USH2A: variants seen among roughly 807,000 people sequenced by gnomAD.
The protein encoded by USH2A is Usher syndrome 2A (autosomal recessive, mild).
USH2A carries 443 observed loss-of-function variants against 538.9 expected under a neutral mutation model. The ratio of observed to expected loss-of-function variants is 0.82; its 90% CI spans 0.76 to 0.89. USH2A has a LOEUF of 0.89. USH2A is among the 40% of genes least tolerant of loss of function. The pLI, the probability that USH2A is intolerant of heterozygous loss-of-function variation, is 0.00. For missense variants in USH2A, 6,633 were observed against 6,324.8 expected (o/e 1.05, Z -1.65); for synonymous variants, 2,413 against 2,273.5 (o/e 1.06, Z -1.75).
At chr1:215,626,917 G>A (rs1043867074) in intron 71 of USH2A, among the ~76,000 whole-genome samples, 1 of 152,122 alleles carries the variant, frequency 6.6e-6, no homozygotes, top group African/African-American at 2.4e-5. Flanking sequence ...TGTTTTGCAT[G>A]TCAAAAATGA....
In USH2A at chr1:216,050,613, T is replaced by TC. The variant is rs1258177481; in HGVS notation, c.6050-1967_6050-1966insG. On this transcript the variant is annotated intron_variant, in intron 30 of 71. Transcript: ENST00000307340. ...CTTTCTTTCTTTCTTTCTTTTTTTT[T>TC]TTTTTTTTTGAGACAGAGTCTCGCT... Among the ~76,000 whole-genome samples, 383 of 85,144 alleles carry TC rather than the reference T, an allele frequency of 4.5e-3. 10 individuals are homozygous for TC. The highest frequency in any genetic ancestry group is 6.8e-3 in the Middle Eastern group (1 of 146). The allele number at this position is 85,144 out of a possible 152,430, so 55.9% of individuals were successfully genotyped here.
chr1:215,758,187 G>A (rs183362240), intron 58 of USH2A, among the ~76,000 whole-genome samples: 178 of 151,988 alleles, frequency 1.2e-3, no homozygotes, highest in African/African-American at 3.5e-3. Context: ...TCAGGAGCCT[G>A]AGGCAGGAGA....
intron 21 of USH2A, among the ~76,000 whole-genome samples, chr1:216,100,308 C>G (rs2032546747): frequency 6.6e-6 from 1 of 152,058 alleles, no homozygotes; most frequent in Non-Finnish European, 1.5e-5. Context: ...AAATGGGAGA[C>G]ATATAAATTA....
chr1:216,237,210 T>G (rs1411383995), intron 13 of USH2A, among the ~76,000 whole-genome samples: 1 of 152,158 alleles, frequency 6.6e-6, no homozygotes, highest in Non-Finnish European at 1.5e-5. Flanking sequence ...CTCTGTGGTT[T>G]CCCAGGACTC....
intron 64 of USH2A, among the ~76,000 whole-genome samples, chr1:215,658,607 T>C (rs1019698639): frequency 6.6e-6 from 1 of 152,212 alleles, no homozygotes; most frequent in Non-Finnish European, 1.5e-5. Context: ...ATGGGTGGGT[T>C]GCTGTCCTGG....
intron 60 of USH2A, among the ~76,000 whole-genome samples, chr1:215,729,760 A>G (rs1659937465): frequency 6.6e-6 from 1 of 152,166 alleles, no homozygotes; most frequent in African/African-American, 2.4e-5. Context: ...TCTCCTGAGT[A>G]GCTAGGACTA....
intron 62 of USH2A, among the ~76,000 whole-genome samples, chr1:215,676,620 C>G (rs961844628): frequency 6.6e-6 from 1 of 152,128 alleles, no homozygotes; most frequent in African/African-American, 2.4e-5. Flanking sequence ...CCTAAGATTA[C>G]ACAGCCTAGA....
At chr1:215,756,947 T>C (rs530672277) in intron 58 of USH2A, among the ~76,000 whole-genome samples, 183 of 151,214 alleles carry the variant, frequency 1.2e-3, no homozygotes, top group African/African-American at 4.2e-3. Context: ...AACAAATAAA[T>C]AAATAAATAA....
In USH2A at chr1:216,073,235, A is replaced by G. The variant is rs766341047; in HGVS notation, c.5638T>C (p.Ser1880Pro). Reference sequence around the variant, plus strand: ...AGATTGACTCTGACAGCACCGCTGGACACAGATGCCAAGTTAACGACAGCA... The same window carrying G: ...AGATTGACTCTGACAGCACCGCTGGGCACAGATGCCAAGTTAACGACAGCA... Reference protein sequence around the residue: ...RGAVVNLASVSSGAVRVNLDG... With the variant: ...RGAVVNLASVPSGAVRVNLDG... The change falls in exon 28 of 72, where the codon TCC becomes CCC. Residue 1880 changes from serine (S) to proline (P), a missense_variant. Ser to Pro is a moderately conservative substitution (Grantham distance 74, BLOSUM62 -1). Transcript: ENST00000307340. 4.3e-6 allele frequency: 7 copies of G among 1,613,894 alleles called. No homozygotes were observed. The highest frequency in any genetic ancestry group is 5.9e-6 in the Non-Finnish European group (7 of 1,179,938).
chr1:216,386,601 A>G (rs535819513), intron 3 of USH2A, among the ~76,000 whole-genome samples: 8 of 149,968 alleles, frequency 5.3e-5, no homozygotes, highest in African/African-American at 2.0e-4. Context: ...TAATCTCAGC[A>G]CTTTGGGACT....
intron 61 of USH2A, among the ~76,000 whole-genome samples, chr1:215,692,769 T>G (rs1437949146): frequency 6.6e-6 from 1 of 152,254 alleles, no homozygotes; most frequent in East Asian, 1.9e-4. Flanking sequence ...ACTAAATTAT[T>G]ACTTTTCATA....
At chr1:216,219,396 AATTAAGG>A (rs1382345925) in intron 14 of USH2A, among the ~76,000 whole-genome samples, 3 of 152,116 alleles carry the variant, frequency 2.0e-5, no homozygotes, top group Non-Finnish European at 4.4e-5. Context: ...ATAATTTTGT[AATTAAGG>A]ATTAAGCAAA....
At chr1:216,187,340 A>C (rs2034629264) in intron 20 of USH2A, among the ~76,000 whole-genome samples, 1 of 151,904 alleles carries the variant, frequency 6.6e-6, no homozygotes. Context: ...TTTAAATAGT[A>C]AGCCCTCAAG....
chr1:216,011,359 T>C (rs12130557), intron 32 of USH2A, among the ~76,000 whole-genome samples: 22,808 of 151,926 alleles, frequency 0.15, 1,806 homozygotes, highest in Middle Eastern at 0.23. Flanking sequence ...GGGCTGTACT[T>C]CAAAGCTTCA....
chr1:216,144,808 T>C (rs938778791), intron 21 of USH2A, among the ~76,000 whole-genome samples: 2 of 152,178 alleles, frequency 1.3e-5, no homozygotes, highest in African/African-American at 4.8e-5. Context: ...GAATGCCATC[T>C]TTCCTCCTAG....
chr1:216,180,143 T>C (rs2034465227), intron 20 of USH2A, among the ~76,000 whole-genome samples: 1 of 152,106 alleles, frequency 6.6e-6, no homozygotes, highest in Non-Finnish European at 1.5e-5. Context: ...TTTCAAATTA[T>C]GTATGATTAA....
At chr1:216,198,248 A>G (rs1572040236) in intron 18 of USH2A, 67 bp downstream of exon 18, 3 of 1,608,924 alleles carry the variant, frequency 1.9e-6, no homozygotes, top group East Asian at 2.2e-5. Context: ...CAGTACTTTG[A>G]CTTTAATTTG....
intron 21 of USH2A, among the ~76,000 whole-genome samples, chr1:216,112,056 G>A (rs2032885910): frequency 6.6e-6 from 1 of 151,910 alleles, no homozygotes. Context: ...TGCTAGAAAT[G>A]TCTCCATTCA....
chr1:216,271,793 TA>T (rs1279689964), intron 11 of USH2A, among the ~76,000 whole-genome samples: 2 of 152,130 alleles, frequency 1.3e-5, no homozygotes, highest in Non-Finnish European at 2.9e-5. Context: ...TTTTGTATTC[TA>T]TTTATGTGGC....
Sources: gnomAD v4.1 joint callset for allele counts (sites outside exome capture counted in the v4.1 genomes callset) on GRCh38, gnomAD v4.1.1 for gene constraint, MANE v1.5 for transcripts, NCBI Gene and HGNC (gene_info 2026-07-23, HGNC 2026-07-21) for gene names.